The following LIPA variants were observed in gnomAD, a reference collection of about 807,000 sequenced individuals.
LIPA encodes the protein lysosomal acid lipase/cholesteryl ester hydrolase.
Under a neutral mutation model 40.6 loss-of-function variants are expected in LIPA, and 26 were observed. The observed-to-expected ratio is 0.64, with a 90% CI of 0.47 to 0.89. The LOEUF is 0.89. Ranked by LOEUF, LIPA falls within the 40% of genes least tolerant of loss-of-function variation. LIPA has a pLI of 0.00. For missense variants in LIPA, 455 were observed against 479.6 expected (o/e 0.95, Z 0.48); for synonymous variants, 188 against 168.4 (o/e 1.12, Z -0.90).
intron 1 of LIPA, among the ~76,000 whole-genome samples, chr10:89,311,987 C>T (rs1488750358): frequency 2.6e-5 from 4 of 152,212 alleles, no homozygotes; most frequent in African/African-American, 9.6e-5. Flanking sequence ...CTCTCTCTGT[C>T]TGTCCCCACC....
chr10:89,243,387 C>T (rs1029345484), intron 3 of LIPA, among the ~76,000 whole-genome samples: 1 of 152,166 alleles, frequency 6.6e-6, no homozygotes, highest in Non-Finnish European at 1.5e-5. Context: ...GCAGGTATGA[C>T]ATACACATCA....
At chr10:89,276,152 C>T (rs139326505) in intron 1 of LIPA, among the ~76,000 whole-genome samples, 1 of 152,328 alleles carries the variant, frequency 6.6e-6, no homozygotes, top group Non-Finnish European at 1.5e-5. Flanking sequence ...CACTCACTCT[C>T]ACGTCTTGCA....
intron 2 of LIPA, among the ~76,000 whole-genome samples, chr10:89,372,624 T>C (rs1844097763): frequency 1.3e-5 from 2 of 152,224 alleles, no homozygotes; most frequent in South Asian, 4.1e-4. Flanking sequence ...TTGCTGATTA[T>C]AGAAATGGAC....
chr10:89,219,303 C>T (rs1036924294), intron 8 of LIPA, among the ~76,000 whole-genome samples: 4 of 152,102 alleles, frequency 2.6e-5, no homozygotes, highest in African/African-American at 9.7e-5. Context: ...TTAATAGCAC[C>T]TTAGGTAGGT....
chr10:89,401,833 T>C (rs1458662348), intron 2 of LIPA, among the ~76,000 whole-genome samples: 1 of 151,756 alleles, frequency 6.6e-6, no homozygotes, highest in Non-Finnish European at 1.5e-5. Context: ...TTTCATGTGG[T>C]CTTAATTTGT....
At chr10:89,228,065 C>A in intron 4 of LIPA, 135 bp downstream of exon 4, 1 of 742,464 alleles carries the variant, frequency 1.3e-6, no homozygotes. Context: ...ACATTTAAAA[C>A]CTTTCAAAAG....
At chr10:89,367,720 C>T (rs181912127) in intron 2 of LIPA, among the ~76,000 whole-genome samples, 31 of 152,190 alleles carry the variant, frequency 2.0e-4, no homozygotes, top group Non-Finnish European at 4.1e-4. Context: ...TGTGAGAGAA[C>T]TGTGACTGTG....
chr10:89,405,389 AAAAT>A (rs1175981130), intron 2 of LIPA: 2 of 152,250 alleles, frequency 1.3e-5, no homozygotes, highest in African/African-American at 2.4e-5. Flanking sequence ...TAAGAAGGAA[AAAAT>A]AAATAAGCAA....
chr10:89,263,328 T>C (rs948851212), intron 1 of LIPA, among the ~76,000 whole-genome samples: 3 of 152,240 alleles, frequency 2.0e-5, no homozygotes, highest in African/African-American at 7.2e-5. Flanking sequence ...TTAGTGGTAT[T>C]GGACTTTACT....
chr10:89,393,453 C>A, intron 2 of LIPA: 1 of 495,180 alleles, frequency 2.0e-6, no homozygotes, highest in Non-Finnish European at 3.2e-6. Flanking sequence ...ATTACTTAGG[C>A]CGGGCAAGGG....
intron 2 of LIPA, among the ~76,000 whole-genome samples, chr10:89,374,803 A>G (rs1844111024): frequency 6.6e-6 from 1 of 152,146 alleles, no homozygotes; most frequent in Non-Finnish European, 1.5e-5. Context: ...CTCCCCCTAC[A>G]CAGGTCCATC....
intron 1 of LIPA, chr10:89,305,884 G>A (rs1843474635): frequency 2.1e-6 from 2 of 957,360 alleles, no homozygotes; most frequent in African/African-American, 1.6e-5. Flanking sequence ...AGGAGGAGGA[G>A]CATTTTATTT....
At chr10:89,383,412 T>A in intron 2 of LIPA, 1 of 1,614,244 alleles carries the variant, frequency 6.2e-7, no homozygotes, top group Non-Finnish European at 8.5e-7. Context: ...CTGAAATTCC[T>A]GATTTAGAAA....
intron 8 of LIPA, 59 bp downstream of exon 8, chr10:89,222,451 GC>G: frequency 2.9e-6 from 3 of 1,036,024 alleles, no homozygotes; most frequent in Non-Finnish European, 4.6e-6. Flanking sequence ...GGGTTTGCAT[GC>G]CCAGACCTTT....
At chr10:89,239,151 G>C (rs1842938204) in intron 3 of LIPA, among the ~76,000 whole-genome samples, 1 of 152,198 alleles carries the variant, frequency 6.6e-6, no homozygotes, top group Non-Finnish European at 1.5e-5. Context: ...AGTTGCTGTA[G>C]TAGGCACAAG....
At chr10:89,411,697 T>TAGA (rs1841470410) in intron 2 of LIPA, among the ~76,000 whole-genome samples, 3 of 152,338 alleles carry the variant, frequency 2.0e-5, no homozygotes, top group South Asian at 4.1e-4. Context: ...CGCCAAGGCC[T>TAGA]AGACCTCCTC....
At chr10:89,282,425 A>T (rs1380649841) in intron 1 of LIPA, among the ~76,000 whole-genome samples, 1 of 151,804 alleles carries the variant, frequency 6.6e-6, no homozygotes, top group African/African-American at 2.4e-5. Flanking sequence ...ATTACCTGAG[A>T]TTGAGAGTTT....
intron 2 of LIPA, among the ~76,000 whole-genome samples, chr10:89,360,665 C>T (rs1197529674): frequency 6.6e-6 from 1 of 152,174 alleles, no homozygotes; most frequent in Non-Finnish European, 1.5e-5. Context: ...AGGCATGAGC[C>T]AGGCATGAGC....
In LIPA at chr10:89,247,637, C is replaced by A. The variant is rs773109434; in HGVS notation, c.12G>T (p.Arg4=). ...CCAAACAGACCACCAACCCCAAGAA[C>A]CGCATTTTCATTCTGTATAATAAAA... MKM[R]FLGLVVCLVL... The change falls in exon 2 of 10, where the codon CGG becomes CGT. Residue 4 remains arginine (R), a synonymous_variant. Transcript: ENST00000336233. 6.7e-5 allele frequency: 107 copies of A among 1,608,486 alleles called. No individual in the cohort carries two copies. Among genetic ancestry groups the A allele is most frequent in the Non-Finnish European group, 8.5e-5 (100 of 1,175,184 alleles).
Sources: gnomAD v4.1 joint callset for allele counts (sites outside exome capture counted in the v4.1 genomes callset) on GRCh38, gnomAD v4.1.1 for gene constraint, MANE v1.5 for transcripts, NCBI Gene and HGNC (gene_info 2026-07-23, HGNC 2026-07-21) for gene names.